Variants in CALN1 observed in about 807,000 individuals in gnomAD.
The protein encoded by CALN1 is calcium-binding protein 8.
In CALN1, 17 loss-of-function variants were observed where a neutral mutation model predicts 30.6. The ratio of observed to expected loss-of-function variants is 0.56; its 90% CI spans 0.38 to 0.83. CALN1 has a LOEUF of 0.83. Ranked by LOEUF, CALN1 falls within the 40% of genes least tolerant of loss-of-function variation. The probability of loss-of-function intolerance (pLI) is 0.00; values close to 1 mark genes in which losing one functional copy is unlikely to be tolerated. For missense variants in CALN1, 291 were observed against 354.9 expected (o/e 0.82, Z 1.45); for synonymous variants, 156 against 131.4 (o/e 1.19, Z -1.28).
chr7:72,057,706 T>C lies in CALN1; in HGVS notation c.389-33937A>G, dbSNP rs143605280. On this transcript the variant is annotated intron_variant, in intron 4 of 6. Transcript: ENST00000395275. The stretch of plus-strand genomic sequence containing the variant: ...TTAAAACTCTTTACAATAATGAGTG[T>C]AGAAGACTTATTGGGAAAAAAAAAC... 5.2e-3 allele frequency among the ~76,000 whole-genome samples: 764 copies of C among 147,462 alleles called. 13 individuals carry two copies. The highest frequency in any genetic ancestry group is 0.016 in the African/African-American group (638 of 39,980).
chr7:71,830,622 A>G (rs1584319749), intron 5 of CALN1, among the ~76,000 whole-genome samples: 1 of 152,322 alleles, frequency 6.6e-6, no homozygotes, highest in East Asian at 1.9e-4. Flanking sequence ...TGTTGGGATT[A>G]CAAGTGTGAG....
intron 3 of CALN1, among the ~76,000 whole-genome samples, chr7:72,163,538 A>G (rs1788292739): frequency 6.6e-6 from 1 of 152,172 alleles, no homozygotes. Context: ...CTCAGAGGAA[A>G]ATATGTCCTA....
At chr7:72,467,706 T>C in the CALN1 span, among the ~76,000 whole-genome samples, 1 of 152,164 alleles carries the variant, frequency 6.6e-6, no homozygotes, top group Non-Finnish European at 1.5e-5. Flanking sequence ...AACTATTGTC[T>C]TGCTTGGATC....
In CALN1 at chr7:72,241,961, T is replaced by A. The variant is rs1392990093; in HGVS notation, c.244+36725A>T. On this transcript the variant is annotated intron_variant, in intron 3 of 6. Coordinates refer to ENST00000395275, the MANE Select transcript of CALN1 (RefSeq NM_031468.4). ...TTTCATTATTGGGCAACCACCACCA[T>A]CCATCCTCAGGACTTTTTCATTATC... Among the ~76,000 whole-genome samples the A allele has an allele frequency of 1.3e-5, 2 of 152,166 alleles. 1 individual carries two copies. The highest frequency in any genetic ancestry group is 2.9e-5 in the Non-Finnish European group (2 of 68,030).
intron 3 of CALN1, among the ~76,000 whole-genome samples, chr7:72,198,170 G>A (rs1220311765): frequency 1.3e-5 from 2 of 152,174 alleles, no homozygotes; most frequent in African/African-American, 4.8e-5. Context: ...TGCTTAGAAG[G>A]AAGAGGAGGA....
At chr7:72,450,230 A>G (rs1371964387), upstream of CALN1, among the ~76,000 whole-genome samples, 1 of 152,160 alleles carries the variant, frequency 6.6e-6, no homozygotes, top group Non-Finnish European at 1.5e-5. Context: ...AAAATCTGCC[A>G]TCACCCAGTC....
chr7:71,981,160 G>A (rs963468915), intron 5 of CALN1, among the ~76,000 whole-genome samples: 7 of 152,084 alleles, frequency 4.6e-5, no homozygotes, highest in African/African-American at 1.7e-4. Context: ...CTTAGCCCTC[G>A]TTATAGTCTT....
At chr7:71,986,441 A>G (rs1798677282) in intron 5 of CALN1, among the ~76,000 whole-genome samples, 1 of 152,222 alleles carries the variant, frequency 6.6e-6, no homozygotes, top group Non-Finnish European at 1.5e-5. Context: ...ATTTAGATAA[A>G]ATTATACAAG....
chr7:72,488,643 C>G, the CALN1 span, among the ~76,000 whole-genome samples: 1 of 152,072 alleles, frequency 6.6e-6, no homozygotes, highest in Non-Finnish European at 1.5e-5. Flanking sequence ...CTCCTGTTAC[C>G]CTGCCAGCTT....
intron 5 of CALN1, among the ~76,000 whole-genome samples, chr7:71,986,519 G>A (rs1237601130): frequency 1.3e-5 from 2 of 152,200 alleles, no homozygotes; most frequent in African/African-American, 4.8e-5. Context: ...TTGATCTTCA[G>A]CTGCAGACAT....
chr7:72,081,854 G>A (rs1237711817), intron 4 of CALN1, among the ~76,000 whole-genome samples: 2 of 152,256 alleles, frequency 1.3e-5, no homozygotes, highest in East Asian at 3.9e-4. Flanking sequence ...CCATCAAAGA[G>A]CTAAGAAATA....
intron 4 of CALN1, among the ~76,000 whole-genome samples, chr7:72,044,035 C>T (rs191519501): frequency 7.2e-5 from 11 of 151,896 alleles, no homozygotes; most frequent in African/African-American, 2.7e-4. Context: ...AGTCCCCCCA[C>T]CCCCACCATG....
chr7:72,180,722 CT>C (rs1403115099), intron 3 of CALN1, among the ~76,000 whole-genome samples: 3 of 151,290 alleles, frequency 2.0e-5, no homozygotes, highest in African/African-American at 7.3e-5. Flanking sequence ...ATCCTCCAGC[CT>C]CAGCCTCCCA....
At chr7:72,372,217 C>G (rs1291516816) in intron 2 of CALN1, among the ~76,000 whole-genome samples, 6 of 152,130 alleles carry the variant, frequency 3.9e-5, no homozygotes, top group Non-Finnish European at 7.3e-5. Flanking sequence ...TTCATAACAG[C>G]AGAAGCAGTC....
chr7:72,336,450 CCCCA>C (rs2129558500), intron 2 of CALN1, among the ~76,000 whole-genome samples: 1 of 152,090 alleles, frequency 6.6e-6, no homozygotes, highest in South Asian at 2.1e-4. Context: ...AGCCCCACGT[CCCCA>C]GGCAGGCGGC....
chr7:71,813,746 G>T (rs1035558644), intron 5 of CALN1, among the ~76,000 whole-genome samples: 1 of 151,964 alleles, frequency 6.6e-6, no homozygotes, highest in African/African-American at 2.4e-5. Flanking sequence ...TGGCTAACAT[G>T]GTGAAACCCC....
intron 5 of CALN1, among the ~76,000 whole-genome samples, chr7:71,905,073 G>A (rs1794057555): frequency 6.6e-6 from 1 of 152,010 alleles, no homozygotes; most frequent in Non-Finnish European, 1.5e-5. Flanking sequence ...TGAGTAGCTG[G>A]AATTACAGGT....
intron 5 of CALN1, among the ~76,000 whole-genome samples, chr7:71,871,606 T>A (rs1791931689): frequency 6.6e-6 from 1 of 152,128 alleles, no homozygotes; most frequent in South Asian, 2.1e-4. Flanking sequence ...AACTCCTTGC[T>A]GTTCCTGGAC....
chr7:72,219,637 G>A lies in CALN1; in HGVS notation c.244+59049C>T, dbSNP rs181308631. ...TTAAAATCCATGAAGATACACATGC[G>A]CGCACACACACACACGCACACACAC... is the stretch of plus-strand genomic sequence containing the variant. On this transcript the variant is annotated intron_variant, in intron 3 of 6. Transcript: ENST00000395275. Among the ~76,000 whole-genome samples, 75 of 151,442 alleles carry A rather than the reference G, an allele frequency of 5.0e-4. No individual in the cohort carries two copies. The East Asian group carries it at 7.4e-3, about 15-fold the overall frequency.
Sources: gnomAD v4.1 joint callset for allele counts (sites outside exome capture counted in the v4.1 genomes callset) on GRCh38, gnomAD v4.1.1 for gene constraint, MANE v1.5 for transcripts, NCBI Gene and HGNC (gene_info 2026-07-23, HGNC 2026-07-21) for gene names.